Variants in FGFR3 observed in about 807,000 individuals in gnomAD.
FGFR3 encodes the protein fibroblast growth factor receptor 3, also known as FGFR-3.
Under a neutral mutation model 82.9 loss-of-function variants are expected in FGFR3, and 25 were observed. That is an observed-to-expected ratio of 0.30 (90% CI 0.22 to 0.42). The LOEUF is 0.42. Among genes scored for constraint, FGFR3 ranks in the 10% least tolerant of loss-of-function variants. The pLI is 1.00. For synonymous variants in FGFR3, 620 were observed against 516.0 expected (o/e 1.20, Z -2.73); for missense variants, 1,026 against 1,161.0 (o/e 0.88, Z 1.69).
Position 1,807,752 on chromosome 4 carries a change from A to G in FGFR3, c.*490A>G. Reference sequence around the variant, plus strand: ...GGGGTGTTAGTGGCACCGCCTCCCCACCTCCAGGCTTTCCCACTTCCCACC... The same window carrying G: ...GGGGTGTTAGTGGCACCGCCTCCCCGCCTCCAGGCTTTCCCACTTCCCACC... On this transcript the variant is annotated 3_prime_UTR_variant, in exon 18 of 18. Transcript: ENST00000440486. 1.7e-6 allele frequency: 1 copy of G among 576,198 alleles called. No individual in the cohort carries two copies. The allele number at this position is 576,198 out of a possible 1,614,324, so 35.7% of individuals were successfully genotyped here. A position where few individuals can be genotyped will look rare whatever the true frequency, so the allele number is the denominator to read the frequency against.
In FGFR3 at chr4:1,805,229, G is replaced by A. The variant is rs960835525; in HGVS notation, c.1413-126G>A. 63 of 1,526,776 alleles carry A rather than the reference G, an allele frequency of 4.1e-5. No individual in the cohort carries two copies. The African/African-American group carries it at 7.5e-4, about 18-fold the overall frequency. 94.6% of individuals were successfully genotyped at this position (1,526,776 alleles called of 1,614,324 possible). A position where few individuals can be genotyped will look rare whatever the true frequency, so the allele number is the denominator to read the frequency against. On this transcript the variant is annotated intron_variant, in intron 10 of 17. Coordinates refer to ENST00000440486, the MANE Select transcript of FGFR3 (RefSeq NM_000142.5). ...TCCTTACGAGCAGGCTGTAGGGGGA[G>A]CATGGAGGGCTTCCTGGAGGTGGTG...
intron 2 of FGFR3, among the ~76,000 whole-genome samples, chr4:1,796,693 C>T (rs954168348): frequency 2.6e-5 from 4 of 152,150 alleles, no homozygotes; most frequent in East Asian, 1.9e-4. Flanking sequence ...AGACCCAGAG[C>T]CTGGAGAAAG....
In FGFR3 at chr4:1,803,955, C is replaced by T. The variant is rs914351027; in HGVS notation, c.1075+119C>T. 7 of 1,176,646 alleles carry T rather than the reference C, an allele frequency of 5.9e-6. No individual in the cohort carries two copies. The African/African-American group carries it at 9.0e-5, about 15-fold the overall frequency. 72.9% of individuals were successfully genotyped at this position (1,176,646 alleles called of 1,614,324 possible). On this transcript the variant is annotated intron_variant, in intron 8 of 17. Transcript: ENST00000440486. ...ACTTACGGCCGTCCCGCTTCTTGAG[C>T]CCTCACTCCTGGCCCTGTGCCCAGT...
At chr4:1,800,760 G>A (rs1721084038) in intron 4 of FGFR3, among the ~76,000 whole-genome samples, 1 of 152,176 alleles carries the variant, frequency 6.6e-6, no homozygotes, top group Non-Finnish European at 1.5e-5. Flanking sequence ...CAGGAAGGCA[G>A]CACCAGCCCT....
rs1239804225 is a variant in FGFR3 at position 1,807,892 on chromosome 4, G to A, written c.*630G>A. 1 of 416,114 alleles carries A rather than the reference G, an allele frequency of 2.4e-6. No individual in the cohort carries two copies. The highest frequency in any genetic ancestry group is 2.0e-5 in the African/African-American group (1 of 50,254). The allele number at this position is 416,114 out of a possible 1,614,324, so 25.8% of individuals were successfully genotyped here. A position where few individuals can be genotyped will look rare whatever the true frequency, so the allele number is the denominator to read the frequency against. On this transcript the variant is annotated 3_prime_UTR_variant, in exon 18 of 18. Transcript: ENST00000440486. ...TTCTATAAATAGATGCTGTGTATATGGTATATATACATATATATATATAAC... is the reference window on the plus strand; with the variant it reads ...TTCTATAAATAGATGCTGTGTATATAGTATATATACATATATATATATAAC...
Position 1,804,470 on chromosome 4 carries a change from C to G in FGFR3, c.1216C>G (p.Leu406Val), listed in dbSNP as rs201751659. The G allele has an allele frequency of 1.2e-6, 2 of 1,613,268 alleles. No individual in the cohort carries two copies. Among genetic ancestry groups the G allele is most frequent in the East Asian group, 2.2e-5 (1 of 44,878 alleles). The change falls in exon 9 of 18, where the codon CTG (leucine) becomes GTG (valine). Residue 406 changes from leucine (L) to valine (V), a missense_variant. Transcript: ENST00000440486. ...CRLRSPPKKGLGSPTVHKISR... is the reference protein window; with the variant it reads ...CRLRSPPKKGVGSPTVHKISR... ...CCTGCGCAGCCCCCCCAAGAAAGGC[C>G]TGGGCTCCCCCACCGTGCACAAGAT...
rs1440629903 is a variant in FGFR3 at position 1,807,209 on chromosome 4, G to GC, written c.2371dup (p.His791ProfsTer26). 1.2e-6 allele frequency: 2 copies of GC among 1,608,600 alleles called. No individual in the cohort carries two copies. Among genetic ancestry groups the GC allele is most frequent in the Admixed American group, 3.4e-5 (2 of 59,688 alleles). ...CTCCTCAGGGGACGACTCCGTGTTTGCCCACGACCTGCTGCCCCCGGCCCC... is the reference window on the plus strand; with the variant it reads ...CTCCTCAGGGGACGACTCCGTGTTTGCCCCACGACCTGCTGCCCCCGGCCCC... On this transcript the variant is annotated frameshift_variant, in exon 18 of 18. Transcript: ENST00000440486. LOFTEE classifies it high-confidence loss of function.
At chr4:1,797,783 G>A (rs982205639) in intron 2 of FGFR3, among the ~76,000 whole-genome samples, 3 of 152,140 alleles carry the variant, frequency 2.0e-5, no homozygotes, top group Non-Finnish European at 4.4e-5. Flanking sequence ...GGGCTCCTTC[G>A]GATGCTTCAG....
At position 1,807,589 on chromosome 4, in the gene FGFR3, CG is replaced by C. The variant is rs1722128770; in HGVS notation, c.*328del. 2.9e-6 allele frequency: 2 copies of C among 681,258 alleles called. No individual in the cohort carries two copies. Among genetic ancestry groups the C allele is most frequent in the Non-Finnish European group, 5.5e-6 (2 of 362,824 alleles). The allele number at this position is 681,258 out of a possible 1,614,324, so 42.2% of individuals were successfully genotyped here. On this transcript the variant is annotated 3_prime_UTR_variant, in exon 18 of 18. Coordinates refer to ENST00000440486, the MANE Select transcript of FGFR3 (RefSeq NM_000142.5). ...AAGTGGGCCCACCCGGTGGGACCCC[CG>C]TGGGGCAGGGAGCTGGGCCCGACAT...
rs775451126 is a variant in FGFR3 at position 1,807,171 on chromosome 4, C to T, written c.2330C>T (p.Thr777Ile). The T allele has an allele frequency of 2.4e-5, 39 of 1,602,762 alleles. No homozygotes were observed. The highest frequency in any genetic ancestry group is 5.1e-5 in the Admixed American group (3 of 58,998). ...FEQYSPGGQD[T>I]PSSSSSGDDS... ...CAGTACTCCCCGGGTGGCCAGGACA[C>T]CCCCAGCTCCAGCTCCTCAGGGGAC... Residue 777 changes from threonine (T) to isoleucine (I), a missense_variant, in exon 18 of 18, where the codon ACC becomes ATC. By Grantham distance (89) the Thr-to-Ile change is moderately conservative. This residue lies in a region of FGFR3 where 155 missense variants were observed against 150.2 expected (regional missense o/e 1.03). Transcript: ENST00000440486.
chr4:1,796,672 C>G (rs956267879), intron 2 of FGFR3, among the ~76,000 whole-genome samples: 1 of 152,174 alleles, frequency 6.6e-6, no homozygotes, highest in African/African-American at 2.4e-5. Flanking sequence ...TGCACTGGGC[C>G]TCCACTGCAG....
Position 1,803,677 on chromosome 4 carries a change from GCTCT to G in FGFR3, c.931-10_931-7del. The G allele has an allele frequency of 6.2e-7, 1 of 1,612,962 alleles. No individual in the cohort carries two copies. On this transcript the variant is annotated splice_polypyrimidine_tract_variant and intron_variant, in intron 7 of 17. Transcript: ENST00000440486. Reference sequence around the variant, plus strand: ...GGTGCTGGCGCTCGCCTATCGCTCTGCTCTCTCTTTGTAGACGGCGGGCGCTAAC... The same window carrying G: ...GGTGCTGGCGCTCGCCTATCGCTCTGCTCTTTGTAGACGGCGGGCGCTAAC...
intron 7 of FGFR3, among the ~76,000 whole-genome samples, chr4:1,802,476 G>C (rs1721313521): frequency 6.6e-6 from 1 of 152,208 alleles, no homozygotes; most frequent in Non-Finnish European, 1.5e-5. Context: ...CCTTAGCTTT[G>C]TTCCCATGGC....
chr4:1,802,248 A>G (rs1721287528), intron 7 of FGFR3, among the ~76,000 whole-genome samples: 1 of 152,108 alleles, frequency 6.6e-6, no homozygotes, highest in Non-Finnish European at 1.5e-5. Context: ...GGCCAGCCTC[A>G]GCCACTGAAG....
chr4:1,799,850 G>A (rs1404159647), intron 4 of FGFR3, 38 bp downstream of exon 4: 19 of 1,606,004 alleles, frequency 1.2e-5, no homozygotes, highest in Non-Finnish European at 1.5e-5. Flanking sequence ...AGCCGGGGTG[G>A]GGCCCGCTGC....
rs1447113901 is a variant in FGFR3, at chr4:1,799,453, C to T, written c.309C>T (p.Asp103=). The change falls in exon 3 of 18, where the codon GAC becomes GAT. Residue 103 remains aspartate, a synonymous_variant. Coordinates refer to ENST00000440486, the MANE Select transcript of FGFR3 (RefSeq NM_000142.5). ...AGGTGCTGAATGCCTCCCACGAGGA[C>T]TCCGGGGCCTACAGCTGCCGGCAGC... ...RLQVLNASHE[D]SGAYSCRQRL... The T allele has an allele frequency of 2.5e-6, 4 of 1,604,674 alleles. No individual in the cohort carries two copies. The highest frequency in any genetic ancestry group is 3.4e-6 in the Non-Finnish European group (4 of 1,176,470).
Position 1,807,885 on chromosome 4 carries a change from T to C in FGFR3, c.*623T>C, listed in dbSNP as rs933253697. ...TGTACATTTCTATAAATAGATGCTG[T>C]GTATATGGTATATATACATATATAT... is the stretch of plus-strand genomic sequence containing the variant. On this transcript the variant is annotated 3_prime_UTR_variant, in exon 18 of 18. Transcript: ENST00000440486. 7.1e-6 allele frequency: 3 copies of C among 420,914 alleles called. No homozygotes were observed. The highest frequency in any genetic ancestry group is 4.0e-5 in the African/African-American group (2 of 50,382). 26.1% of individuals were successfully genotyped at this position (420,914 alleles called of 1,614,324 possible).
rs546517006 is a variant in FGFR3, at chr4:1,803,242, C to T, written c.931-450C>T. On this transcript the variant is annotated intron_variant, in intron 7 of 17. Coordinates refer to ENST00000440486, the MANE Select transcript of FGFR3 (RefSeq NM_000142.5). ...CTCCACGGTGACCGCCCGCTTCGAG[C>T]CCTGTGGCCTGCGCCGACCCTTCCC... 3.7e-4 allele frequency: 283 copies of T among 760,862 alleles called. 1 individual carries two copies. The highest frequency in any genetic ancestry group is 4.4e-4 in the Non-Finnish European group (231 of 529,524). 47.1% of individuals were successfully genotyped at this position (760,862 alleles called of 1,614,324 possible).
chr4:1,798,150 C>T (rs1309469514), intron 2 of FGFR3, among the ~76,000 whole-genome samples: 2 of 152,072 alleles, frequency 1.3e-5, no homozygotes, highest in Admixed American at 6.5e-5. Context: ...GCTTTGGTGG[C>T]TCTGGGGAGC....
Sources: allele counts gnomAD v4.1 joint callset (sites outside exome capture counted in the v4.1 genomes callset), GRCh38; gene constraint gnomAD v4.1.1; regional missense constraint gnomAD v4.1.1; transcripts MANE v1.5; gene names NCBI Gene and HGNC (gene_info 2026-07-23, HGNC 2026-07-21).